Variants in NEK3 observed in about 807,000 individuals in gnomAD.
NEK3 encodes the protein NIMA related kinase 3, also known as serine/threonine-protein kinase Nek3.
In NEK3, 54 loss-of-function variants were observed where a neutral mutation model predicts 66.0. That is an observed-to-expected ratio of 0.82 (90% confidence interval 0.66 to 1.03). The LOEUF is 1.03. Ranked by LOEUF, NEK3 falls within the 50% of genes least tolerant of loss-of-function variation. The pLI is 0.00. For missense variants in NEK3, 593 were observed against 603.0 expected, an observed-to-expected ratio of 0.98 and a Z score of 0.17; for synonymous variants, 200 against 206.2, an observed-to-expected ratio of 0.97 and a Z score of 0.26.
chr13:52,138,332 A>G (rs1212406792), intron 11 of NEK3, among the ~76,000 whole-genome samples: 1 of 152,228 alleles, frequency 6.6e-6, no homozygotes, highest in Non-Finnish European at 1.5e-5. Flanking sequence ...TGGAAGTTCT[A>G]TATGATGACT....
intron 8 of NEK3, 132 bp downstream of exon 8, chr13:52,148,283 C>T (rs1020470035): frequency 1.3e-6 from 1 of 771,924 alleles, no homozygotes; most frequent in Non-Finnish European, 2.2e-6. Context: ...CAGATGACTG[C>T]ACTGGAAACA....
At chr13:52,150,647 C>T (rs1053076983) in intron 7 of NEK3, among the ~76,000 whole-genome samples, 2 of 123,316 alleles carry the variant, frequency 1.6e-5, no homozygotes, top group African/African-American at 5.5e-5. Context: ...ATATTAACCT[C>T]CTGCAATCAA....
intron 4 of NEK3, 120 bp downstream of exon 4, chr13:52,153,775 C>T: frequency 1.5e-6 from 1 of 681,260 alleles, no homozygotes; most frequent in Non-Finnish European, 2.5e-6. Context: ...AGAAATCAGT[C>T]ATTTCTATCT....
At chr13:52,143,406 C>A (rs1291011474) in intron 10 of NEK3, among the ~76,000 whole-genome samples, 1 of 151,952 alleles carries the variant, frequency 6.6e-6, no homozygotes, top group Non-Finnish European at 1.5e-5. Context: ...CACACACATA[C>A]CACCTCCCCA....
intron 4 of NEK3, 87 bp downstream of exon 4, chr13:52,153,808 A>T (rs1050481230): frequency 2.3e-6 from 2 of 876,334 alleles, no homozygotes; most frequent in African/African-American, 3.4e-5. Flanking sequence ...AATTACAGAT[A>T]TCAATGCTTT....
chr13:52,144,790 C>T lies in NEK3; in HGVS notation c.705G>A (p.Lys235=), dbSNP rs1956280887. The change falls in exon 9 of 16, where the codon AAG becomes AAA. Residue 235 remains lysine, a synonymous_variant. Coordinates refer to ENST00000610828, the MANE Select transcript of NEK3 (RefSeq NM_002498.3). ...GTGAGGGATTCCTTTTAAACATCTG[C>T]TTGACTAGGAACTGAAGTTCATAGG... is the stretch of plus-strand genomic sequence containing the variant. ...HYSYELQFLV[K]QMFKRNPSHR... The T allele has an allele frequency of 3.1e-6, 5 of 1,613,658 alleles. No homozygotes were observed. The highest frequency in any genetic ancestry group is 4.2e-6 in the Non-Finnish European group (5 of 1,179,736).
At chr13:52,151,047 A>G in intron 7 of NEK3, 99 bp downstream of exon 7, 1 of 844,426 alleles carries the variant, frequency 1.2e-6, no homozygotes, top group South Asian at 1.6e-5. Flanking sequence ...AATATGATCC[A>G]TGCATCTGTT....
At chr13:52,148,393 C>T in intron 8 of NEK3, 22 bp downstream of exon 8, 11 of 1,611,312 alleles carry the variant, frequency 6.8e-6, no homozygotes, top group Non-Finnish European at 9.3e-6. Context: ...GCTGCCTTTT[C>T]CATTTTGCAC....
At chr13:52,154,217 T>A in intron 2 of NEK3, 44 bp from the exon 3 acceptor site, 1 of 1,181,104 alleles carries the variant, frequency 8.5e-7, no homozygotes, top group East Asian at 2.5e-5. Flanking sequence ...TACTGCATTT[T>A]AAAATACATA....
At chr13:52,149,799 G>A (rs1183187670) in intron 7 of NEK3, among the ~76,000 whole-genome samples, 12 of 151,744 alleles carry the variant, frequency 7.9e-5, no homozygotes, top group African/African-American at 2.9e-4. Flanking sequence ...AACTCGTGAG[G>A]CAGAGATTGC....
At chr13:52,134,905 C>T (rs941025273) in intron 14 of NEK3, among the ~76,000 whole-genome samples, 1 of 152,156 alleles carries the variant, frequency 6.6e-6, no homozygotes, top group African/African-American at 2.4e-5. Flanking sequence ...ATCCTTAGGG[C>T]AGGAATTGTG....
chr13:52,153,354 A>G (rs1366874236), intron 4 of NEK3, among the ~76,000 whole-genome samples: 1 of 152,158 alleles, frequency 6.6e-6, no homozygotes, highest in Non-Finnish European at 1.5e-5. Flanking sequence ...GCTATAACCT[A>G]GATCAAACTA....
intron 12 of NEK3, among the ~76,000 whole-genome samples, chr13:52,136,463 T>A (rs1016803059): frequency 6.6e-6 from 1 of 152,094 alleles, no homozygotes; most frequent in Non-Finnish European, 1.5e-5. Flanking sequence ...AACGAACCAT[T>A]ACAGTGACTG....
chr13:52,144,650 C>T (rs1369690846), intron 9 of NEK3, 41 bp downstream of exon 9: 1 of 1,510,616 alleles, frequency 6.6e-7, no homozygotes, highest in South Asian at 1.1e-5. Flanking sequence ...TTTTACCATA[C>T]ACTTGAAAAC....
chr13:52,137,297 T>A (rs902797257), intron 11 of NEK3, among the ~76,000 whole-genome samples: 7 of 152,154 alleles, frequency 4.6e-5, no homozygotes, highest in African/African-American at 1.7e-4. Context: ...AAATGAGATA[T>A]TTTATAAAGT....
intron 7 of NEK3, among the ~76,000 whole-genome samples, chr13:52,149,082 G>A (rs963910222): frequency 1.3e-5 from 2 of 151,278 alleles, no homozygotes; most frequent in African/African-American, 4.9e-5. Flanking sequence ...ATTTGTTTTA[G>A]TAGAGACAGG....
At chr13:52,157,685 A>C (rs1037872399) in intron 1 of NEK3, among the ~76,000 whole-genome samples, 1 of 152,190 alleles carries the variant, frequency 6.6e-6, no homozygotes, top group Non-Finnish European at 1.5e-5. Context: ...TTCCAGGATG[A>C]AGCAGCTAGC....
Position 52,156,179 on chromosome 13 carries a change from T to C in NEK3, c.13A>G (p.Met5Val), listed in dbSNP as rs564601652. 3.1e-6 allele frequency: 5 copies of C among 1,596,070 alleles called. No homozygotes were observed. Among genetic ancestry groups the C allele is most frequent in the East Asian group, 2.3e-5 (1 of 44,384 alleles). MDDY[M>V]VLRMIGEGSF... ...CCCTCCCCAATCATTCTCAGGACCA[T>C]GTAGTCATCCATGCTGGGGCATCCA... The change falls in exon 2 of 16, where the codon ATG becomes GTG. Residue 5 changes from methionine (M) to valine (V), a missense_variant. Transcript: ENST00000610828.
intron 1 of NEK3, among the ~76,000 whole-genome samples, chr13:52,157,988 C>T (rs1956408993): frequency 6.6e-6 from 1 of 152,220 alleles, no homozygotes; most frequent in South Asian, 2.1e-4. Flanking sequence ...AGTGATTCTC[C>T]TGCCTCAGCC....
Sources: allele counts gnomAD v4.1 joint callset (sites outside exome capture counted in the v4.1 genomes callset), GRCh38; gene constraint gnomAD v4.1.1; transcripts MANE v1.5; gene names NCBI Gene and HGNC (gene_info 2026-07-23, HGNC 2026-07-21).